The following MMP17 variants were observed in gnomAD, a reference collection of about 807,000 sequenced individuals.
The protein encoded by MMP17 is matrix metalloproteinase-17.
In MMP17, 54 loss-of-function variants were observed where a neutral mutation model predicts 49.1. The observed-to-expected ratio is 1.10, with a 90% CI of 0.88 to 1.38. The LOEUF is 1.38. MMP17 is among the 40% of genes most tolerant of loss of function. The pLI is 0.00. For synonymous variants in MMP17, 397 were observed against 383.1 expected, an observed-to-expected ratio of 1.04 and a Z score of -0.42; for missense variants, 837 against 853.7, an observed-to-expected ratio of 0.98 and a Z score of 0.24.
chr12:131,844,139 C>T (rs1490670236), intron 6 of MMP17, 58 bp downstream of exon 6: 10 of 1,405,292 alleles, frequency 7.1e-6, no homozygotes, highest in Non-Finnish European at 8.7e-6. Flanking sequence ...CATCCCTGTC[C>T]CACGCAACAT....
chr12:131,841,824 C>T (rs1887431137), intron 5 of MMP17, 24 bp downstream of exon 5: 1 of 1,542,592 alleles, frequency 6.5e-7, no homozygotes, highest in Non-Finnish European at 8.7e-7. Context: ...CGAAGCCAGA[C>T]ACAGGGCCCC....
chr12:131,845,175 C>G lies in MMP17; in HGVS notation c.1026C>G (p.Ile342Met), dbSNP rs1233637911. The G allele has an allele frequency of 3.1e-6, 5 of 1,613,984 alleles. No homozygotes were observed. The highest frequency in any genetic ancestry group is 4.2e-6 in the Non-Finnish European group (5 of 1,179,966). ...CSTHFDAVAQ[I>M]RGEAFFFKGK... is the part of the protein sequence containing the mutation. ...CTCACTTTGACGCGGTGGCCCAGAT[C>G]CGGGGTGAAGCTTTCTTCTTCAAAG... is the stretch of plus-strand genomic sequence containing the variant. The change falls in exon 7 of 10, where the codon ATC (isoleucine) becomes ATG (methionine). Residue 342 changes from isoleucine (I) to methionine (M), a missense_variant. Coordinates refer to ENST00000360564, the MANE Select transcript of MMP17 (RefSeq NM_016155.7).
intron 1 of MMP17, among the ~76,000 whole-genome samples, chr12:131,831,513 T>C (rs750886150): frequency 3.0e-4 from 46 of 151,992 alleles, no homozygotes; most frequent in Non-Finnish European, 6.2e-4. Flanking sequence ...GTGTCCCCTC[T>C]CACCCTGCAG....
Position 131,845,282 on chromosome 12 carries a change from C to G in MMP17, c.1052-15C>G. ...GACCGTCTCTGCAGCCCGGCCCTCC[C>G]CTCTGTGCCCCCAGGCAAGTACTTC... On this transcript the variant is annotated splice_polypyrimidine_tract_variant and intron_variant, in intron 7 of 9. Coordinates refer to ENST00000360564, the MANE Select transcript of MMP17 (RefSeq NM_016155.7). 6.2e-7 allele frequency: 1 copy of G among 1,611,382 alleles called. No individual in the cohort carries two copies. Among genetic ancestry groups the G allele is most frequent in the South Asian group, 1.1e-5 (1 of 91,014 alleles).
chr12:131,849,705 G>C, intron 8 of MMP17, 97 bp from the exon 9 acceptor site: 1 of 1,439,730 alleles, frequency 6.9e-7, no homozygotes, highest in Non-Finnish European at 9.4e-7. Flanking sequence ...GAGGGGCCAG[G>C]GCAAGGGCGG....
chr12:131,840,959 A>G lies in MMP17; in HGVS notation c.706+103A>G, dbSNP rs1887376044. 1.1e-5 allele frequency: 14 copies of G among 1,331,160 alleles called. No individual in the cohort carries two copies. In the South Asian group the frequency reaches 1.9e-4, roughly 19 times the overall value. 82.5% of individuals were successfully genotyped at this position (1,331,160 alleles called of 1,614,324 possible). On this transcript the variant is annotated intron_variant, in intron 4 of 9. Transcript: ENST00000360564. Reference sequence around the variant, plus strand: ...CATCCCCAACCCTGCGGCTGAAAACACACGCGGCTGCTCCTGAGCACGGCT... The same window carrying G: ...CATCCCCAACCCTGCGGCTGAAAACGCACGCGGCTGCTCCTGAGCACGGCT...
chr12:131,845,518 G>C, intron 8 of MMP17, 69 bp downstream of exon 8: 1 of 1,490,274 alleles, frequency 6.7e-7, no homozygotes, highest in Non-Finnish European at 8.9e-7. Context: ...GGGACGGAGA[G>C]GGTCCAGCCT....
intron 1 of MMP17, among the ~76,000 whole-genome samples, chr12:131,837,285 T>G (rs1245046708): frequency 6.6e-6 from 1 of 152,216 alleles, no homozygotes; most frequent in African/African-American, 2.4e-5. Flanking sequence ...CTAGGCAGCC[T>G]GGCTGGAACC....
intron 1 of MMP17, among the ~76,000 whole-genome samples, chr12:131,834,639 G>A (rs1166581466): frequency 6.6e-6 from 1 of 152,074 alleles, no homozygotes; most frequent in African/African-American, 2.4e-5. Flanking sequence ...GAGGCCTGGC[G>A]GGAGAGGAGG....
chr12:131,848,590 C>T (rs1887820515), intron 8 of MMP17, among the ~76,000 whole-genome samples: 1 of 152,098 alleles, frequency 6.6e-6, no homozygotes, highest in African/African-American at 2.4e-5. Flanking sequence ...TGGGCAGCCC[C>T]GCCCCTCCCC....
chr12:131,838,447 C>G, intron 2 of MMP17, 120 bp downstream of exon 2: 1 of 1,465,498 alleles, frequency 6.8e-7, no homozygotes, highest in African/African-American at 1.4e-5. Context: ...GGGTCCTGGC[C>G]TGGTGTAGCT....
At position 131,844,212 on chromosome 12, in the gene MMP17, A is replaced by G. The variant is rs1853859202; in HGVS notation, c.968+131A>G. 1.2e-5 allele frequency: 9 copies of G among 750,434 alleles called. 1 individual carries two copies. The South Asian group carries it at 1.4e-4, about 12-fold the overall frequency. The allele number at this position is 750,434 out of a possible 1,614,324, so 46.5% of individuals were successfully genotyped here. A position where few individuals can be genotyped will look rare whatever the true frequency, so the allele number is the denominator to read the frequency against. ...CAGCTGTGTGGCCGACTGAGCCCCC[A>G]GTGACATTTTGTCTTTTCTTAAACC... On this transcript the variant is annotated intron_variant, in intron 6 of 9. Coordinates refer to ENST00000360564, the MANE Select transcript of MMP17 (RefSeq NM_016155.7).
chr12:131,844,263 C>A, intron 6 of MMP17, 182 bp downstream of exon 6: 1 of 603,622 alleles, frequency 1.7e-6, no homozygotes, highest in Non-Finnish European at 2.9e-6. Context: ...CCTCCCCTGC[C>A]AGGGGTCCTG....
At chr12:131,832,550 G>A (rs1479002429) in intron 1 of MMP17, among the ~76,000 whole-genome samples, 2 of 152,068 alleles carry the variant, frequency 1.3e-5, no homozygotes, top group East Asian at 3.9e-4. Flanking sequence ...CGCAGGGCAG[G>A]TGTCAGACGC....
chr12:131,835,440 C>T (rs377069298), intron 1 of MMP17, among the ~76,000 whole-genome samples: 5 of 152,344 alleles, frequency 3.3e-5, no homozygotes, highest in East Asian at 1.9e-4. Flanking sequence ...CTGCCAGGCC[C>T]GGCTCCACTT....
At chr12:131,837,457 A>G (rs1029702715) in intron 1 of MMP17, among the ~76,000 whole-genome samples, 9 of 152,130 alleles carry the variant, frequency 5.9e-5, no homozygotes, top group African/African-American at 1.9e-4. Flanking sequence ...ATGAATGTAC[A>G]GCATGGCCCA....
intron 8 of MMP17, among the ~76,000 whole-genome samples, chr12:131,848,381 CGGTCT>C (rs919610842): frequency 2.0e-5 from 3 of 152,196 alleles, no homozygotes; most frequent in African/African-American, 7.2e-5. Context: ...CCACCACTCC[CGGTCT>C]GGTTTTTTGG....
intron 5 of MMP17, among the ~76,000 whole-genome samples, chr12:131,843,447 A>G (rs1887527186): frequency 6.6e-6 from 1 of 151,532 alleles, no homozygotes; most frequent in East Asian, 1.9e-4. Context: ...GGGTCTCACC[A>G]TGTTGCCCAG....
intron 5 of MMP17, among the ~76,000 whole-genome samples, chr12:131,843,320 G>C (rs1410324755): frequency 7.0e-6 from 1 of 142,678 alleles, no homozygotes; most frequent in African/African-American, 2.7e-5. Flanking sequence ...ATGTGGCCCA[G>C]GCTTGTCTCA....
Sources: allele counts gnomAD v4.1 joint callset (sites outside exome capture counted in the v4.1 genomes callset), GRCh38; gene constraint gnomAD v4.1.1; transcripts MANE v1.5; gene names NCBI Gene and HGNC (gene_info 2026-07-23, HGNC 2026-07-21).